Variants in ATXN7L1 observed in about 807,000 individuals in gnomAD.
ATXN7L1 encodes ataxin 7 like 1.
Under a neutral mutation model 70.8 loss-of-function variants are expected in ATXN7L1, and 15 were observed. That is an observed-to-expected ratio of 0.21 (90% CI 0.14 to 0.33). ATXN7L1 has a LOEUF of 0.33. Ranked by LOEUF, ATXN7L1 falls within the 10% of genes least tolerant of loss-of-function variation. The probability of loss-of-function intolerance (pLI) is 1.00; values close to 1 mark genes in which losing one functional copy is unlikely to be tolerated. For missense variants in ATXN7L1, 975 were observed against 1,097.1 expected (o/e 0.89, Z 1.57); for synonymous variants, 440 against 445.1 (o/e 0.99, Z 0.14).
At chr7:105,696,204 T>TGTGCTCCTGTTGACTGGAA (rs1399910626) in intron 3 of ATXN7L1, among the ~76,000 whole-genome samples, 2 of 152,214 alleles carry the variant, frequency 1.3e-5, no homozygotes, top group Non-Finnish European at 2.9e-5. Context: ...ATGAAATCTA[T>TGTGCTCCTGTTGACTGGAA]GTGCTCCTGT....
In ATXN7L1 at chr7:105,626,050, T is replaced by A. The variant is rs538313804; in HGVS notation, c.1203-1783A>T. Among the ~76,000 whole-genome samples, 3 of 152,368 alleles carry A rather than the reference T, an allele frequency of 2.0e-5. No individual in the cohort carries two copies. The East Asian group carries it at 5.8e-4, about 29-fold the overall frequency. ...CCCTGGATACTTTGTTGCTTTGAAA[T>A]CTTTTCAGGTCTCAAATACTTGAAC... On this transcript the variant is annotated intron_variant, in intron 7 of 11. Coordinates refer to ENST00000419735, the MANE Select transcript of ATXN7L1 (RefSeq NM_020725.2).
intron 3 of ATXN7L1, chr7:105,761,612 G>A: frequency 9.8e-7 from 1 of 1,016,838 alleles, no homozygotes; most frequent in Non-Finnish European, 1.4e-6. Flanking sequence ...TCATGATCTT[G>A]TTCTATCAAA....
intron 3 of ATXN7L1, among the ~76,000 whole-genome samples, chr7:105,689,363 A>G (rs1790433868): frequency 1.3e-5 from 2 of 152,228 alleles, no homozygotes; most frequent in Admixed American, 1.3e-4. Flanking sequence ...TCTAGGAGAC[A>G]GAGCTGAAAG....
chr7:105,838,451 T>A (rs1169614026), intron 2 of ATXN7L1, among the ~76,000 whole-genome samples: 3 of 152,182 alleles, frequency 2.0e-5, no homozygotes, highest in Non-Finnish European at 4.4e-5. Context: ...GCACTTGACA[T>A]TATCCTTGGA....
At chr7:105,622,806 C>T (rs1298654232) in intron 8 of ATXN7L1, among the ~76,000 whole-genome samples, 1 of 152,108 alleles carries the variant, frequency 6.6e-6, no homozygotes, top group African/African-American at 2.4e-5. Flanking sequence ...GAAGAAGACC[C>T]CTTTTCTGTT....
At chr7:105,761,025 T>C (rs1250794725) in intron 3 of ATXN7L1, 7 of 397,188 alleles carry the variant, frequency 1.8e-5, no homozygotes, top group Non-Finnish European at 2.1e-5. Flanking sequence ...CATGATGAAC[T>C]TTGATTTTGA....
rs1797873238 is a variant in ATXN7L1, at chr7:105,639,565, T to A, written c.867A>T (p.Arg289Ser). The change falls in exon 6 of 12, where the codon AGA becomes AGT. Residue 289 changes from arginine (R) to serine (S), a missense_variant. Arg to Ser is a moderately radical substitution (Grantham distance 110). This residue lies in a region of ATXN7L1 where 192 missense variants were observed against 215.5 expected (regional missense o/e 0.89). Coordinates refer to ENST00000419735, the MANE Select transcript of ATXN7L1 (RefSeq NM_020725.2). ...SNKPYRRLSE[R>S]EFDPNKHCGV... ...CACAGTGTTTATTTGGGTCAAATTC[T>A]CTCTCTGGTTTAAGAAACAAACAAA... The A allele has an allele frequency of 1.3e-6, 2 of 1,549,768 alleles. No individual in the cohort carries two copies. The highest frequency in any genetic ancestry group is 1.7e-6 in the Non-Finnish European group (2 of 1,145,658).
rs538565719 is a variant in ATXN7L1, at chr7:105,644,326, C to T, written c.579-1205G>A. Among the ~76,000 whole-genome samples, 10 of 152,270 alleles carry T rather than the reference C, an allele frequency of 6.6e-5. No homozygotes were observed. The South Asian group carries it at 1.7e-3, about 25-fold the overall frequency. On this transcript the variant is annotated intron_variant, in intron 4 of 11. Coordinates refer to ENST00000419735, the MANE Select transcript of ATXN7L1 (RefSeq NM_020725.2). ...CCTTTTATGACTCTGAAATAGGATC[C>T]CAGCTGTTTGTTACAGATCTTTGCC...
chr7:105,717,041 T>C (rs983794949), intron 3 of ATXN7L1, among the ~76,000 whole-genome samples: 3 of 152,174 alleles, frequency 2.0e-5, no homozygotes, highest in African/African-American at 4.8e-5. Flanking sequence ...GATATGTACA[T>C]AATTTTTTAA....
chr7:105,748,212 C>T (rs1030932322), intron 3 of ATXN7L1, among the ~76,000 whole-genome samples: 5 of 152,010 alleles, frequency 3.3e-5, no homozygotes, highest in Non-Finnish European at 7.4e-5. Context: ...ACACACAACA[C>T]CCAACTCTAA....
intron 2 of ATXN7L1, among the ~76,000 whole-genome samples, chr7:105,812,469 C>T (rs991564151): frequency 6.6e-6 from 1 of 152,158 alleles, no homozygotes; most frequent in African/African-American, 2.4e-5. Context: ...TTGATTCTAT[C>T]AGTTTCTAAA....
chr7:105,693,525 A>G (rs935954931), intron 3 of ATXN7L1, among the ~76,000 whole-genome samples: 7 of 149,540 alleles, frequency 4.7e-5, no homozygotes, highest in Non-Finnish European at 1.0e-4. Flanking sequence ...GTGGACTTAA[A>G]TCTAATGCCC....
Position 105,665,089 on chromosome 7 carries a change from C to G in ATXN7L1, c.555G>C (p.Ala185=). 1 of 1,551,272 alleles carries G rather than the reference C, an allele frequency of 6.4e-7. No homozygotes were observed. The highest frequency in any genetic ancestry group is 8.7e-7 in the Non-Finnish European group (1 of 1,146,970). ...SSSKQHTVFP[A]KGSRDKPCVP... ...ACCATGGTTTATCCCTTGATCCTTT[C>G]GCAGGAAAGACTGTGTGCTGTTTGC... The change falls in exon 4 of 12, where the codon GCG becomes GCC. Residue 185 remains alanine, a synonymous_variant. Transcript: ENST00000419735.
At chr7:105,876,281 C>T in intron 1 of ATXN7L1, 97 bp downstream of exon 1, 1 of 1,396,998 alleles carries the variant, frequency 7.2e-7, no homozygotes, top group Non-Finnish European at 9.6e-7. Context: ...CACCGGGGGC[C>T]ACTCTCTCTC....
intron 3 of ATXN7L1, among the ~76,000 whole-genome samples, chr7:105,692,413 CCTTCCTTCCTT>C (rs1293959338): frequency 1.4e-5 from 2 of 139,074 alleles, no homozygotes; most frequent in East Asian, 4.2e-4. Flanking sequence ...TTCCTTCCTT[CCTTCCTTCCTT>C]CCTCCCTCCC....
chr7:105,678,916 T>C, intron 3 of ATXN7L1: 1 of 283,422 alleles, frequency 3.5e-6, no homozygotes, highest in Non-Finnish European at 5.3e-6. Flanking sequence ...CGGAGAGCAC[T>C]GTCTATGCTA....
At chr7:105,803,924 C>A (rs1019417644) in intron 2 of ATXN7L1, among the ~76,000 whole-genome samples, 1 of 152,064 alleles carries the variant, frequency 6.6e-6, no homozygotes, top group Non-Finnish European at 1.5e-5. Flanking sequence ...CTCTCTGAGG[C>A]GGCTAAGTGG....
At chr7:105,670,361 C>T (rs1433037096) in intron 3 of ATXN7L1, among the ~76,000 whole-genome samples, 1 of 152,136 alleles carries the variant, frequency 6.6e-6, no homozygotes, top group African/African-American at 2.4e-5. Context: ...TCCATTTGCC[C>T]TGCCCAGAAA....
At chr7:105,703,299 C>T (rs1792715573) in intron 3 of ATXN7L1, among the ~76,000 whole-genome samples, 1 of 116,042 alleles carries the variant, frequency 8.6e-6, no homozygotes. Context: ...GAGCGAAACT[C>T]CGTCTCAAAA....
Sources: gnomAD v4.1 joint callset for allele counts (sites outside exome capture counted in the v4.1 genomes callset) on GRCh38, gnomAD v4.1.1 for gene constraint, gnomAD v4.1.1 regional missense constraint, MANE v1.5 for transcripts, NCBI Gene and HGNC (gene_info 2026-07-23, HGNC 2026-07-21) for gene names.